CCDC73: variants seen among roughly 807,000 people sequenced by gnomAD.
CCDC73 encodes the protein coiled-coil domain-containing protein 73.
A neutral mutation model predicts 116.5 loss-of-function variants in CCDC73; 95 were observed. The observed-to-expected ratio is 0.82, with a 90% CI of 0.69 to 0.97. CCDC73 has a LOEUF of 0.97. CCDC73 is among the 50% of genes least tolerant of loss of function. The pLI is 0.00. For missense variants in CCDC73, 1,066 were observed against 1,206.8 expected, an observed-to-expected ratio of 0.88 and a Z score of 1.73; for synonymous variants, 398 against 401.3, an observed-to-expected ratio of 0.99 and a Z score of 0.10.
Position 32,602,908 on chromosome 11 carries a change from A to C in CCDC73, c.3143T>G (p.Leu1048Arg), listed in dbSNP as rs1272466970. Residue 1048 changes from leucine (L) to arginine (R), a missense_variant, in exon 18 of 18, where the codon CTA (leucine) becomes CGA (arginine). By Grantham distance (102) the Leu-to-Arg change is moderately radical. Transcript: ENST00000335185. ...DDWQSLITNQ[L>R]NKSENLLSLE... Reference sequence around the variant, plus strand: ...ACTTAGTAAATTTTCACTTTTATTTAGTTGATTCGTAATGAGGCTCTGCCA... The same window carrying C: ...ACTTAGTAAATTTTCACTTTTATTTCGTTGATTCGTAATGAGGCTCTGCCA... 2 of 1,612,316 alleles carry C rather than the reference A, an allele frequency of 1.2e-6. No homozygotes were observed. Among genetic ancestry groups the C allele is most frequent in the African/African-American group, 2.7e-5 (2 of 74,908 alleles).
At chr11:32,668,705 TAAC>T (rs1856009849) in intron 9 of CCDC73, among the ~76,000 whole-genome samples, 1 of 152,170 alleles carries the variant, frequency 6.6e-6, no homozygotes, top group Non-Finnish European at 1.5e-5. Flanking sequence ...CCATTCAAGG[TAAC>T]AACCACAGCC....
intron 1 of CCDC73, among the ~76,000 whole-genome samples, chr11:32,768,086 T>A (rs1850459148): frequency 6.6e-6 from 1 of 152,192 alleles, no homozygotes; most frequent in Admixed American, 6.5e-5. Context: ...TGTCCATCAA[T>A]GATAGACTGG....
intron 2 of CCDC73, among the ~76,000 whole-genome samples, chr11:32,725,985 G>A (rs775997986): frequency 6.6e-6 from 1 of 152,114 alleles, no homozygotes; most frequent in Non-Finnish European, 1.5e-5. Context: ...GTACAAAGTG[G>A]AAATAAATTA....
rs759164050 is a variant in CCDC73 at position 32,607,080 on chromosome 11, ATTTTTTTTTTTTTTT to A, written c.3030+4037_3030+4051del. Among the ~76,000 whole-genome samples the A allele has an allele frequency of 1.2e-4, 9 of 74,190 alleles. No individual in the cohort carries two copies. The South Asian group carries it at 1.6e-3, about 13-fold the overall frequency. 48.7% of individuals were successfully genotyped at this position (74,190 alleles called of 152,430 possible). A position where few individuals can be genotyped will look rare whatever the true frequency, so the allele number is the denominator to read the frequency against. ...GCCCACCACGCCCAGCCAAAAATAA[ATTTTTTTTTTTTTTT>A]TTTTTTTTTTTTTTTGAGACGGAGT... On this transcript the variant is annotated intron_variant, in intron 17 of 17. Transcript: ENST00000335185.
At chr11:32,732,437 A>T (rs563365653) in intron 2 of CCDC73, among the ~76,000 whole-genome samples, 1 of 152,046 alleles carries the variant, frequency 6.6e-6, no homozygotes, top group Non-Finnish European at 1.5e-5. Context: ...GATACTCCTC[A>T]TGAAGAGCAA....
intron 2 of CCDC73, among the ~76,000 whole-genome samples, chr11:32,751,960 A>G (rs910088198): frequency 5.9e-5 from 9 of 152,228 alleles, no homozygotes; most frequent in Non-Finnish European, 7.3e-5. Flanking sequence ...TGCTATGGAT[A>G]AGGTCATTCA....
rs779550647 is a variant in CCDC73, at chr11:32,718,131, T to A, written c.152A>T (p.Tyr51Phe). Residue 51 changes from tyrosine (Y) to phenylalanine (F), a missense_variant, in exon 3 of 18, where the codon TAT (tyrosine) becomes TTT (phenylalanine). By Grantham distance (22) the Tyr-to-Phe change is conservative (BLOSUM62 3). Coordinates refer to ENST00000335185, the MANE Select transcript of CCDC73 (RefSeq NM_001008391.4). ...AATAATTTTACCAATCTGCTCTTCA[T>A]AATGAATTTCTGCTTCCTAAGTCAA... ...LRMRREAEIH[Y>F]EEQIGKIIVE... The A allele has an allele frequency of 1.2e-6, 2 of 1,604,174 alleles. No individual in the cohort carries two copies. Among genetic ancestry groups the A allele is most frequent in the South Asian group, 2.2e-5 (2 of 89,322 alleles).
chr11:32,632,526 G>A (rs540177180), intron 14 of CCDC73, among the ~76,000 whole-genome samples: 22 of 152,156 alleles, frequency 1.4e-4, no homozygotes, highest in African/African-American at 2.2e-4. Context: ...GTGCCCGGCC[G>A]GTTGGTGGAA....
the CCDC73 span, among the ~76,000 whole-genome samples, chr11:32,820,439 A>G: frequency 7.2e-4 from 110 of 152,324 alleles, no homozygotes; most frequent in Non-Finnish European, 1.1e-3. Flanking sequence ...TACAGGTGTG[A>G]GCCACCACAC....
upstream of CCDC73, among the ~76,000 whole-genome samples, chr11:32,794,866 T>C (rs1850709848): frequency 9.2e-6 from 1 of 108,534 alleles, no homozygotes; most frequent in Non-Finnish European, 1.9e-5. Context: ...TTTCGGTTTG[T>C]TTTTGGTTTT....
upstream of CCDC73, among the ~76,000 whole-genome samples, chr11:32,796,050 T>C (rs905190653): frequency 1.3e-5 from 2 of 152,172 alleles, no homozygotes; most frequent in Non-Finnish European, 2.9e-5. Flanking sequence ...TTCTTTTTAC[T>C]CCTTCCCTTT....
intron 6 of CCDC73, among the ~76,000 whole-genome samples, chr11:32,698,965 A>G (rs1292467641): frequency 6.6e-6 from 1 of 152,172 alleles, no homozygotes; most frequent in Non-Finnish European, 1.5e-5. Flanking sequence ...GTCACAATAT[A>G]TATGCCTTAC....
chr11:32,645,783 G>A (rs1349778577), intron 12 of CCDC73, among the ~76,000 whole-genome samples: 2 of 152,134 alleles, frequency 1.3e-5, no homozygotes, highest in African/African-American at 4.8e-5. Flanking sequence ...TGAGTAATGT[G>A]TTGTGCTATG....
intron 1 of CCDC73, among the ~76,000 whole-genome samples, chr11:32,779,560 GC>G (rs1850564988): frequency 6.6e-6 from 1 of 152,132 alleles, no homozygotes. Flanking sequence ...AGCTACTGGG[GC>G]TAAATACTTC....
At chr11:32,694,732 C>A (rs16923537) in intron 6 of CCDC73, among the ~76,000 whole-genome samples, 3,674 of 152,030 alleles carry the variant, frequency 0.024, 142 homozygotes, top group African/African-American at 0.082. Context: ...TACTGACAAC[C>A]TTTTAGTAGG....
At chr11:32,775,986 T>C (rs1252046988) in intron 1 of CCDC73, among the ~76,000 whole-genome samples, 2 of 152,210 alleles carry the variant, frequency 1.3e-5, no homozygotes, top group African/African-American at 4.8e-5. Flanking sequence ...TATCATGTAT[T>C]CTATTTTAAT....
At chr11:32,785,920 T>C (rs1046287290) in intron 1 of CCDC73, among the ~76,000 whole-genome samples, 3 of 152,156 alleles carry the variant, frequency 2.0e-5, no homozygotes, top group South Asian at 2.1e-4. Flanking sequence ...TTTCACAGGA[T>C]GTGATGATTA....
upstream of CCDC73, among the ~76,000 whole-genome samples, chr11:32,795,088 G>A (rs1049005393): frequency 3.3e-5 from 5 of 152,280 alleles, no homozygotes; most frequent in East Asian, 9.6e-4. Context: ...GGATGGGAAC[G>A]GGAGAGAGAG....
In CCDC73 at chr11:32,614,947, C is replaced by T. The variant is rs1855461475; in HGVS notation, c.1376-5G>A. 1 of 1,577,436 alleles carries T rather than the reference C, an allele frequency of 6.3e-7. No individual in the cohort carries two copies. Among genetic ancestry groups the T allele is most frequent in the African/African-American group, 1.4e-5 (1 of 73,704 alleles). On this transcript the variant is annotated splice_region_variant and splice_polypyrimidine_tract_variant and intron_variant, in intron 15 of 17. Transcript: ENST00000335185. ...TTTTTTCAAAAAGCTGTAAATCTGTCATGATGGGAACACAGTAAAATTTTA... is the reference window on the plus strand; with the variant it reads ...TTTTTTCAAAAAGCTGTAAATCTGTTATGATGGGAACACAGTAAAATTTTA...
Sources: allele counts gnomAD v4.1 joint callset (sites outside exome capture counted in the v4.1 genomes callset), GRCh38; gene constraint gnomAD v4.1.1; transcripts MANE v1.5; gene names NCBI Gene and HGNC (gene_info 2026-07-23, HGNC 2026-07-21).